Variants in ZFHX4 observed in about 807,000 individuals in gnomAD.
ZFHX4 encodes the protein zinc finger homeobox protein 4.
In ZFHX4, 56 loss-of-function variants were observed where a neutral mutation model predicts 267.6. The observed-to-expected ratio is 0.21, with a 90% CI of 0.17 to 0.26. ZFHX4 has a LOEUF of 0.26. Ranked by LOEUF, ZFHX4 falls within the 10% of genes least tolerant of loss-of-function variation. The probability of loss-of-function intolerance (pLI) is 1.00; values close to 1 mark genes in which losing one functional copy is unlikely to be tolerated. For synonymous variants in ZFHX4, 1,778 were observed against 1,665.6 expected (o/e 1.07, Z -1.64); for missense variants, 4,332 against 4,420.0 (o/e 0.98, Z 0.56).
At chr8:76,798,053 C>CT (rs1226942090) in intron 4 of ZFHX4, among the ~76,000 whole-genome samples, 2 of 151,924 alleles carry the variant, frequency 1.3e-5, no homozygotes, top group Non-Finnish European at 2.9e-5. Context: ...AGTATTGAAA[C>CT]TTTAAAAAAT....
Position 76,852,206 on chromosome 8 carries a change from T to C in ZFHX4, c.5285T>C (p.Phe1762Ser). ...PDLGLPGSAT[F>S]GMPGMTGMAG... ...TTGGGCTTGCCAGGCTCTGCCACATTTGGGATGCCTGGCATGACAGGAATG... is the reference window on the plus strand; with the variant it reads ...TTGGGCTTGCCAGGCTCTGCCACATCTGGGATGCCTGGCATGACAGGAATG... The change falls in exon 10 of 11, where the codon TTT (phenylalanine) becomes TCT (serine). Residue 1762 changes from phenylalanine (F) to serine (S), a missense_variant. Transcript: ENST00000651372. 1 of 1,613,792 alleles carries C rather than the reference T, an allele frequency of 6.2e-7. No homozygotes were observed. The highest frequency in any genetic ancestry group is 8.5e-7 in the Non-Finnish European group (1 of 1,179,800).
chr8:76,802,504 CCATA>C (rs1212538211), intron 4 of ZFHX4, among the ~76,000 whole-genome samples: 2 of 152,070 alleles, frequency 1.3e-5, no homozygotes, highest in African/African-American at 4.8e-5. Context: ...TTTTTAATTG[CCATA>C]CAAACTCTGC....
rs756423179 is a variant in ZFHX4, at chr8:76,854,226, C to T, written c.7305C>T (p.Ser2435=). ...CAGCCCTGCCATTAGCATCGACTTC[C>T]TCGGACCCACCACAGGCATCCACAG... ...TKPALPLAST[S]SDPPQASTAQ... is the part of the protein sequence containing the mutation. Residue 2435 remains serine, a synonymous_variant, in exon 10 of 11, where the codon TCC becomes TCT. Coordinates refer to ENST00000651372, the MANE Select transcript of ZFHX4 (RefSeq NM_024721.5). The T allele has an allele frequency of 1.3e-6, 2 of 1,566,388 alleles. No individual in the cohort carries two copies. Among genetic ancestry groups the T allele is most frequent in the Non-Finnish European group, 8.7e-7 (1 of 1,155,698 alleles).
chr8:76,840,294 G>C (rs1231184700), intron 5 of ZFHX4, among the ~76,000 whole-genome samples: 1 of 152,158 alleles, frequency 6.6e-6, no homozygotes, highest in Non-Finnish European at 1.5e-5. Context: ...TATGGCCTCA[G>C]AACTGCTGTT....
intron 3 of ZFHX4, among the ~76,000 whole-genome samples, chr8:76,724,080 GC>G (rs1808793439): frequency 6.6e-6 from 1 of 152,054 alleles, no homozygotes; most frequent in South Asian, 2.1e-4. Flanking sequence ...TCTAGAAATG[GC>G]TGTATATCCA....
intron 1 of ZFHX4, among the ~76,000 whole-genome samples, chr8:76,688,593 A>G (rs528946104): frequency 6.6e-6 from 1 of 152,268 alleles, no homozygotes; most frequent in African/African-American, 2.4e-5. Flanking sequence ...GTAACTGGTT[A>G]TCAGTTGACA....
chr8:76,849,832 T>C (rs1812464440), intron 8 of ZFHX4, 120 bp downstream of exon 8: 2 of 1,118,328 alleles, frequency 1.8e-6, no homozygotes, highest in Non-Finnish European at 2.6e-6. Flanking sequence ...AGCTCTGTTA[T>C]TGCTCGTGTT....
chr8:76,802,782 C>T (rs1256495099), intron 4 of ZFHX4, among the ~76,000 whole-genome samples: 2 of 152,134 alleles, frequency 1.3e-5, no homozygotes, highest in Admixed American at 6.6e-5. Context: ...ATTATTTTTA[C>T]ACCATAGGGA....
At chr8:76,841,881 G>C (rs543004975) in intron 5 of ZFHX4, among the ~76,000 whole-genome samples, 13 of 152,276 alleles carry the variant, frequency 8.5e-5, no homozygotes, top group African/African-American at 3.1e-4. Context: ...AGAACAGTGG[G>C]CCTTTCACGG....
In ZFHX4 at chr8:76,715,807, T is replaced by C. The variant is rs532199615; in HGVS notation, c.3093+7759T>C. Among the ~76,000 whole-genome samples the C allele has an allele frequency of 2.0e-5, 3 of 152,328 alleles. No homozygotes were observed. The South Asian group carries it at 6.2e-4, about 32-fold the overall frequency. On this transcript the variant is annotated intron_variant, in intron 3 of 10. Coordinates refer to ENST00000651372, the MANE Select transcript of ZFHX4 (RefSeq NM_024721.5). ...CTTACATAAATTAAATGTGCATACA[T>C]AAATATTAAAGTGTATGGAGATCAT...
intron 4 of ZFHX4, among the ~76,000 whole-genome samples, chr8:76,825,196 G>C (rs1262481563): frequency 6.6e-6 from 1 of 152,210 alleles, no homozygotes; most frequent in Non-Finnish European, 1.5e-5. Context: ...ATCAAAGCCA[G>C]AGAAGAATTA....
rs1812570438 is a variant in ZFHX4 at position 76,852,733 on chromosome 8, G to A, written c.5812G>A (p.Gly1938Ser). 6.2e-7 allele frequency: 1 copy of A among 1,613,786 alleles called. No homozygotes were observed. The highest frequency in any genetic ancestry group is 8.5e-7 in the Non-Finnish European group (1 of 1,179,822). The change falls in exon 10 of 11, where the codon GGT becomes AGT. Residue 1938 changes from glycine to serine, a missense_variant. Gly to Ser is a moderately conservative substitution (Grantham distance 56). Transcript: ENST00000651372. ...GAAGGTACAGAAGAAGGGCAAAAGTGGTGAAGGCGAAAACACTGACAAACT... is the reference window on the plus strand; with the variant it reads ...GAAGGTACAGAAGAAGGGCAAAAGTAGTGAAGGCGAAAACACTGACAAACT... Reference protein sequence around the residue: ...RQKVQKKGKSGEGENTDKLEC... With the variant: ...RQKVQKKGKSSEGENTDKLEC...
At chr8:76,766,015 C>T (rs1478495542) in intron 3 of ZFHX4, among the ~76,000 whole-genome samples, 33 of 151,884 alleles carry the variant, frequency 2.2e-4, no homozygotes, top group Admixed American at 2.2e-3. Flanking sequence ...ACCAGGAAAA[C>T]CTTTCTAATG....
At position 76,827,148 on chromosome 8, in the gene ZFHX4, C is replaced by T. The variant is rs60205584; in HGVS notation, c.3326-6190C>T. Among the ~76,000 whole-genome samples, 776 of 152,308 alleles carry T rather than the reference C, an allele frequency of 5.1e-3. 7 individuals are homozygous for T. The highest frequency in any genetic ancestry group is 0.017 in the African/African-American group (725 of 41,572). ...TAATGGAAGACAGTTTTTCCACAGA[C>T]GGAGTGGTCAGGTGTAGATGGTTTG... On this transcript the variant is annotated intron_variant, in intron 4 of 10. Transcript: ENST00000651372.
Position 76,778,245 on chromosome 8 carries a change from CCTG to C in ZFHX4, c.3134_3136del (p.Cys1045del). The C allele has an allele frequency of 6.2e-7, 1 of 1,613,540 alleles. No homozygotes were observed. Among genetic ancestry groups the C allele is most frequent in the Non-Finnish European group, 8.5e-7 (1 of 1,179,626 alleles). On this transcript the variant is annotated inframe_deletion, in exon 4 of 11. Transcript: ENST00000651372. ...CAAGAGGGTGCAGTGAATCCCGAAT[CCTG>C]CTATTACTACTGTGCCGTGTGTGAT...
At position 76,819,351 on chromosome 8, in the gene ZFHX4, T is replaced by C. The variant is rs147274684; in HGVS notation, c.3326-13987T>C. Among the ~76,000 whole-genome samples, 68 of 152,148 alleles carry C rather than the reference T, an allele frequency of 4.5e-4. 1 individual carries two copies. The highest frequency in any genetic ancestry group is 1.5e-3 in the African/African-American group (62 of 41,486). On this transcript the variant is annotated intron_variant, in intron 4 of 10. Transcript: ENST00000651372. Reference sequence around the variant, plus strand: ...AATAATGTAAGTCATTTTTATATCTTTCTAAATAAAAAGGATTGATTAAAC... The same window carrying C: ...AATAATGTAAGTCATTTTTATATCTCTCTAAATAAAAAGGATTGATTAAAC...
chr8:76,817,132 T>G (rs919334131), intron 4 of ZFHX4, among the ~76,000 whole-genome samples: 4 of 152,142 alleles, frequency 2.6e-5, no homozygotes, highest in African/African-American at 9.7e-5. Flanking sequence ...GATAGAATAT[T>G]GTGGATTGTT....
At chr8:76,813,052 T>G (rs1274912577) in intron 4 of ZFHX4, among the ~76,000 whole-genome samples, 1 of 152,190 alleles carries the variant, frequency 6.6e-6, no homozygotes, top group Non-Finnish European at 1.5e-5. Context: ...TCTCAGGATC[T>G]TTAATGCTAC....
At chr8:76,764,505 C>A (rs2131736441) in intron 3 of ZFHX4, among the ~76,000 whole-genome samples, 1 of 152,270 alleles carries the variant, frequency 6.6e-6, no homozygotes, top group African/African-American at 2.4e-5. Flanking sequence ...GCCATGAAAT[C>A]TCCATCCTTG....
Sources: allele counts gnomAD v4.1 joint callset (sites outside exome capture counted in the v4.1 genomes callset), GRCh38; gene constraint gnomAD v4.1.1; transcripts MANE v1.5; gene names NCBI Gene and HGNC (gene_info 2026-07-23, HGNC 2026-07-21).